The following TRPC5OS variants were observed in gnomAD, a reference collection of about 807,000 sequenced individuals.
The protein encoded by TRPC5OS is TRPC5 opposite strand, also known as putative uncharacterized protein TRPC5OS.
For missense variants in TRPC5OS, 64 were observed against 79.3 expected, an observed-to-expected ratio of 0.81 and a Z score of 0.73; for synonymous variants, 30 against 29.3, an observed-to-expected ratio of 1.02 and a Z score of -0.08.
intron 3 of TRPC5OS, among the ~76,000 whole-genome samples, chrX:111,897,954 G>A (rs1925148357): frequency 9.0e-6 from 1 of 110,544 alleles, no homozygotes; most frequent in Non-Finnish European, 1.9e-5. Context: ...ACTGATAGAT[G>A]TTTTTCCAAA....
At chrX:111,889,539 T>C (rs1490576667) in intron 1 of TRPC5OS, among the ~76,000 whole-genome samples, 1 of 112,226 alleles carries the variant, frequency 8.9e-6, no homozygotes, top group Non-Finnish European at 1.9e-5. Context: ...GCCAGAGGAC[T>C]GTGTTGTAAC....
In TRPC5OS at chrX:111,901,818, G is replaced by A; in HGVS notation, c.-32G>A. 1 of 1,030,667 alleles carries A rather than the reference G, an allele frequency of 9.7e-7. No homozygotes were observed. The highest frequency in any genetic ancestry group is 1.3e-6 in the Non-Finnish European group (1 of 787,573). 84.9% of individuals were successfully genotyped at this position (1,030,667 alleles called of 1,213,427 possible). A position where few individuals can be genotyped will look rare whatever the true frequency, so the allele number is the denominator to read the frequency against. ...GAGTCCATTTGCTAGAGCTTTTAGT[G>A]ATATTTTATCTATTTAGAAGAGCAC... On this transcript the variant is annotated 5_prime_UTR_variant, in exon 4 of 4. Transcript: ENST00000635763.
Position 111,886,741 on chromosome X carries a change from G to A in TRPC5OS, c.-545-9210G>A, listed in dbSNP as rs972528879. On this transcript the variant is annotated intron_variant, in intron 1 of 3. Coordinates refer to ENST00000635763, the MANE Select transcript of TRPC5OS (RefSeq NM_001195578.2). Reference sequence around the variant, plus strand: ...TCTGGTACTGTGGATTCAATTGCCAGAAGGTACCGAGGACTTGGCTTGCCT... The same window carrying A: ...TCTGGTACTGTGGATTCAATTGCCAAAAGGTACCGAGGACTTGGCTTGCCT... Among the ~76,000 whole-genome samples the A allele has an allele frequency of 9.8e-5, 11 of 112,145 alleles. No individual in the cohort carries two copies. In the South Asian group the frequency reaches 1.5e-3, roughly 15 times the overall value.
At chrX:111,881,146 G>GTTTAT (rs747702186) in intron 1 of TRPC5OS, among the ~76,000 whole-genome samples, 6,977 of 101,059 alleles carry the variant, frequency 0.069, 381 homozygotes, top group East Asian at 0.14. Context: ...ATTTTCTTTT[G>GTTTAT]TTTATTTTAT....
At chrX:111,879,282 G>A (rs192197798) in intron 1 of TRPC5OS, among the ~76,000 whole-genome samples, 81 of 112,200 alleles carry the variant, frequency 7.2e-4, no homozygotes, top group African/African-American at 1.9e-3. Flanking sequence ...GAACTCAGGA[G>A]ACGTTGACTC....
chrX:111,887,609 G>T (rs1220058385), intron 1 of TRPC5OS, among the ~76,000 whole-genome samples: 2 of 111,816 alleles, frequency 1.8e-5, no homozygotes, highest in Admixed American at 1.9e-4. Flanking sequence ...TTACTACTCT[G>T]GATTTTAATT....
chrX:111,888,808 G>A (rs1481873779), intron 1 of TRPC5OS, among the ~76,000 whole-genome samples: 1 of 110,044 alleles, frequency 9.1e-6, no homozygotes, highest in East Asian at 2.8e-4. Context: ...GTGAGATGTA[G>A]ATGATAGTGT....
At chrX:111,881,475 C>G in intron 1 of TRPC5OS, among the ~76,000 whole-genome samples, 1 of 111,508 alleles carries the variant, frequency 9.0e-6, no homozygotes. Flanking sequence ...TGGGCCTGGC[C>G]CGCTATGTTT....
upstream of TRPC5OS, chrX:111,876,051 A>T (rs1371217505): frequency 9.1e-6 from 1 of 110,350 alleles, no homozygotes; most frequent in African/African-American, 3.3e-5. Context: ...AAAAAAAACT[A>T]GAAAAGACAA....
chrX:111,896,916 T>C (rs1264575308), intron 3 of TRPC5OS, among the ~76,000 whole-genome samples: 1 of 112,159 alleles, frequency 8.9e-6, no homozygotes, highest in Non-Finnish European at 1.9e-5. Flanking sequence ...TTAAATGTAC[T>C]ACAGGTTGAG....
intron 1 of TRPC5OS, among the ~76,000 whole-genome samples, chrX:111,881,548 T>C (rs1924222963): frequency 9.0e-6 from 1 of 111,698 alleles, no homozygotes; most frequent in Non-Finnish European, 1.9e-5. Context: ...CAGACCATTC[T>C]GATTGGCAGA....
At chrX:111,894,510 C>T (rs922644386) in intron 1 of TRPC5OS, among the ~76,000 whole-genome samples, 2 of 111,505 alleles carry the variant, frequency 1.8e-5, no homozygotes, top group Non-Finnish European at 3.8e-5. Flanking sequence ...CATCTTGTAT[C>T]AATTAAAAAC....
At chrX:111,894,247 G>T (rs188091210) in intron 1 of TRPC5OS, among the ~76,000 whole-genome samples, 2 of 111,681 alleles carry the variant, frequency 1.8e-5, no homozygotes, top group East Asian at 5.6e-4. Context: ...AGAGGATTTG[G>T]ATTTCTTTGC....
intron 1 of TRPC5OS, among the ~76,000 whole-genome samples, chrX:111,894,367 G>A (rs1924957664): frequency 8.9e-6 from 1 of 111,847 alleles, no homozygotes; most frequent in African/African-American, 3.2e-5. Flanking sequence ...CTTTTGATTA[G>A]TTGTGCAGAC....
intron 1 of TRPC5OS, among the ~76,000 whole-genome samples, chrX:111,886,400 C>T (rs1233230815): frequency 1.8e-5 from 2 of 112,685 alleles, no homozygotes; most frequent in African/African-American, 6.5e-5. Flanking sequence ...ATGTTTGCAT[C>T]CATGTATTAT....
chrX:111,876,396 T>C (rs1923943956), intron 1 of TRPC5OS, 123 bp downstream of exon 1: 1 of 111,903 alleles, frequency 8.9e-6, no homozygotes. Flanking sequence ...CTTGCCTTCT[T>C]CTCCTGGCAG....
At chrX:111,878,891 T>C (rs537955488) in intron 1 of TRPC5OS, among the ~76,000 whole-genome samples, 8 of 111,988 alleles carry the variant, frequency 7.1e-5, no homozygotes, top group Middle Eastern at 9.2e-3. Flanking sequence ...GTTTTCAATT[T>C]TGAGACCCTT....
At chrX:111,884,062 T>G (rs759425848) in intron 1 of TRPC5OS, among the ~76,000 whole-genome samples, 12 of 112,212 alleles carry the variant, frequency 1.1e-4, no homozygotes, top group Non-Finnish European at 2.1e-4. Flanking sequence ...TAAGGTGAAG[T>G]CAGAGCCTAG....
intron 3 of TRPC5OS, among the ~76,000 whole-genome samples, chrX:111,896,822 T>TA (rs1925088460): frequency 8.9e-6 from 1 of 111,991 alleles, no homozygotes; most frequent in South Asian, 3.8e-4. Context: ...CATCTTTACT[T>TA]ATGTGATCAT....
Sources: gnomAD v4.1 joint callset for allele counts (sites outside exome capture counted in the v4.1 genomes callset) on GRCh38, gnomAD v4.1.1 for gene constraint, MANE v1.5 for transcripts, NCBI Gene and HGNC (gene_info 2026-07-23, HGNC 2026-07-21) for gene names.